The following LMAN1L variants were observed in gnomAD, a reference collection of about 807,000 sequenced individuals.
LMAN1L encodes the protein protein ERGIC-53-like.
A neutral mutation model predicts 58.3 loss-of-function variants in LMAN1L; 60 were observed. The observed-to-expected ratio is 1.03, with a 90% CI of 0.84 to 1.27. The LOEUF (loss-of-function observed/expected upper bound fraction) is 1.27, where lower values mean the gene tolerates loss of function less well. Among genes scored for constraint, LMAN1L ranks in the 50% most tolerant of loss-of-function variants. The pLI is 0.00. For synonymous variants in LMAN1L, 280 were observed against 271.6 expected, an observed-to-expected ratio of 1.03 and a Z score of -0.31; for missense variants, 629 against 674.0, an observed-to-expected ratio of 0.93 and a Z score of 0.74.
At position 74,819,247 on chromosome 15, in the gene LMAN1L, C is replaced by G. The variant is rs766254928; in HGVS notation, c.693C>G (p.Val231=). 1.2e-6 allele frequency: 2 copies of G among 1,614,118 alleles called. No individual in the cohort carries two copies. Among genetic ancestry groups the G allele is most frequent in the South Asian group, 2.2e-5 (2 of 91,076 alleles). ...LLLVPGGFFG[V]SAATGTLADD... The stretch of plus-strand genomic sequence containing the variant: ...TGGTCCCTGGAGGTTTCTTTGGGGT[C>G]TCAGCAGCCACCGGCACCCTGGCAG... Residue 231 remains valine (V), a synonymous_variant, in exon 6 of 14, where the codon GTC becomes GTG. Transcript: ENST00000309664.
Position 74,821,137 on chromosome 15 carries a change from C to T in LMAN1L, c.970C>T (p.Arg324Trp), listed in dbSNP as rs369514887. The change falls in exon 9 of 14, where the codon CGG becomes TGG. Residue 324 changes from arginine to tryptophan, a missense_variant. Arg to Trp is a moderately radical substitution (Grantham distance 101). Around this residue, in one of 3 missense-constraint regions of LMAN1L, gnomAD observed 573 missense variants for 597.3 expected, o/e 0.96. Coordinates refer to ENST00000309664, the MANE Select transcript of LMAN1L (RefSeq NM_021819.3). ...GRHRRILQAL[R>W]GLSKQLAQAE... Reference sequence around the variant, plus strand: ...ACACCGCCGGATCCTGCAGGCTCTGCGGGGTCTCTCCAAGCAGCTGGCCCA... The same window carrying T: ...ACACCGCCGGATCCTGCAGGCTCTGTGGGGTCTCTCCAAGCAGCTGGCCCA... The T allele has an allele frequency of 7.7e-6, 12 of 1,559,966 alleles. No individual in the cohort carries two copies. Among genetic ancestry groups the T allele is most frequent in the East Asian group, 7.1e-5 (3 of 42,408 alleles).
intron 4 of LMAN1L, among the ~76,000 whole-genome samples, chr15:74,817,948 G>T (rs901632136): frequency 1.3e-5 from 2 of 151,638 alleles, no homozygotes; most frequent in African/African-American, 4.9e-5. Flanking sequence ...AGGAGGCAAA[G>T]GTTGCAGTGA....
intron 13 of LMAN1L, chr15:74,824,682 C>T: frequency 1.8e-6 from 1 of 564,032 alleles, no homozygotes; most frequent in South Asian, 2.5e-5. Context: ...CCATCTGGGT[C>T]CTGCTCTCAC....
At chr15:74,819,481 C>A in intron 6 of LMAN1L, 1 of 615,138 alleles carries the variant, frequency 1.6e-6, no homozygotes. Context: ...GTGCTGGCCA[C>A]ATAAGTGCCC....
At position 74,820,777 on chromosome 15, in the gene LMAN1L, G is replaced by C; in HGVS notation, c.907+10G>C. The C allele has an allele frequency of 6.2e-7, 1 of 1,606,708 alleles. No homozygotes were observed. Among genetic ancestry groups the C allele is most frequent in the South Asian group, 1.1e-5 (1 of 90,448 alleles). On this transcript the variant is annotated intron_variant, in intron 8 of 13. Transcript: ENST00000309664. ...GAAGCTCAAGGAGAAGGTAGGGACC[G>C]AGAGAGCGGGCAGGTGGCGCCCATC...
At chr15:74,823,968 G>C in intron 12 of LMAN1L, 1 of 515,756 alleles carries the variant, frequency 1.9e-6, no homozygotes, top group East Asian at 3.3e-5. Context: ...GACCAGAGGG[G>C]AAACAGGGTG....
chr15:74,819,917 G>A (rs1490601379), intron 6 of LMAN1L, 127 bp from the exon 7 acceptor site: 2 of 837,774 alleles, frequency 2.4e-6, no homozygotes, highest in East Asian at 2.4e-5. Flanking sequence ...AGCAAGACAA[G>A]CATCAGACGG....
At chr15:74,821,805 A>G in intron 9 of LMAN1L, 24 bp from the exon 10 acceptor site, 2 of 1,577,526 alleles carry the variant, frequency 1.3e-6, no homozygotes, top group South Asian at 2.2e-5. Context: ...CTCCAGGGCC[A>G]AGCCTCTCTG....
rs1185135016 is a variant in LMAN1L at position 74,812,861 on chromosome 15, G to C, written c.7G>C (p.Ala3Pro). ...GACTTCAGGCGCCTTCACGATGCCGGCGGTCAGTGGTCCAGGTCCCTTATT... is the reference window on the plus strand; with the variant it reads ...GACTTCAGGCGCCTTCACGATGCCGCCGGTCAGTGGTCCAGGTCCCTTATT... MP[A>P]VSGPGPLFCL... The change falls in exon 1 of 14, where the codon GCG (alanine) becomes CCG (proline). Residue 3 changes from alanine (A) to proline (P), a missense_variant. Coordinates refer to ENST00000309664, the MANE Select transcript of LMAN1L (RefSeq NM_021819.3). The C allele has an allele frequency of 6.3e-7, 1 of 1,596,036 alleles. No homozygotes were observed. Among genetic ancestry groups the C allele is most frequent in the Non-Finnish European group, 8.5e-7 (1 of 1,169,918 alleles).
chr15:74,825,718 G>A lies in LMAN1L; in HGVS notation c.*113G>A, dbSNP rs141196233. 3.0e-3 allele frequency: 3,105 copies of A among 1,045,598 alleles called. 62 individuals are homozygous for A. In the African/African-American group the frequency reaches 0.045, roughly 15 times the overall value. The allele number at this position is 1,045,598 out of a possible 1,614,324, so 64.8% of individuals were successfully genotyped here. On this transcript the variant is annotated 3_prime_UTR_variant, in exon 14 of 14. Transcript: ENST00000309664. ...AGCTCCCACGCACACCTGAGCTTTC[G>A]GCATGCTCCCACCTCGTTAAAGGTG... is the stretch of plus-strand genomic sequence containing the variant.
chr15:74,813,112 G>T, intron 1 of LMAN1L, 83 bp downstream of exon 1: 1 of 1,436,156 alleles, frequency 7.0e-7, no homozygotes, highest in Non-Finnish European at 9.6e-7. Flanking sequence ...GAGTGGGTCT[G>T]TCACAGCCAT....
At chr15:74,815,340 C>G (rs2141113275) in intron 1 of LMAN1L, among the ~76,000 whole-genome samples, 1 of 152,346 alleles carries the variant, frequency 6.6e-6, no homozygotes, top group South Asian at 2.1e-4. Context: ...GGCCCTGGGC[C>G]AGGTTCCAGG....
intron 4 of LMAN1L, among the ~76,000 whole-genome samples, chr15:74,817,893 A>G (rs1274695857): frequency 6.6e-6 from 1 of 151,850 alleles, no homozygotes. Flanking sequence ...AGCACCTGTA[A>G]TCCCAGCTAC....
intron 4 of LMAN1L, among the ~76,000 whole-genome samples, chr15:74,818,008 G>A (rs138110652): frequency 0.07 from 8,084 of 115,336 alleles, 577 homozygotes; most frequent in South Asian, 0.4. Context: ...GCAAGACTCC[G>A]TCTCAGAAAA....
At chr15:74,823,329 G>A (rs2063925550) in intron 11 of LMAN1L, among the ~76,000 whole-genome samples, 1 of 152,180 alleles carries the variant, frequency 6.6e-6, no homozygotes. Flanking sequence ...CAGAGCCGGG[G>A]AGCCTGGGGT....
chr15:74,820,834 CA>C (rs879915117), intron 8 of LMAN1L, 67 bp downstream of exon 8: 112 of 1,551,044 alleles, frequency 7.2e-5, no homozygotes, highest in Non-Finnish European at 9.7e-5. Flanking sequence ...CCCTTATGAC[CA>C]GGGGTCCTTT....
intron 10 of LMAN1L, 72 bp from the exon 11 acceptor site, chr15:74,822,570 C>T (rs765216018): frequency 1.1e-5 from 14 of 1,258,540 alleles, no homozygotes; most frequent in South Asian, 2.4e-5. Flanking sequence ...GCTGCAGTGC[C>T]GCTGGGAAGG....
chr15:74,816,428 C>G lies in LMAN1L; in HGVS notation c.332C>G (p.Ala111Gly), dbSNP rs1054149963. The G allele has an allele frequency of 6.4e-6, 10 of 1,560,446 alleles. No individual in the cohort carries two copies. The highest frequency in any genetic ancestry group is 2.3e-5 in the East Asian group (1 of 44,290). The part of the protein sequence containing the change: ...GLGRRGAQGM[A>G]VWYTRGRGHV... ...AGCTGAGGGGCTGGGGACCTGCAGG[C>G]CGTGTGGTACACCCGGGGCAGGGGC... The change falls in exon 3 of 14, where the codon GCC becomes GGC. Residue 111 changes from alanine (A) to glycine (G), a missense_variant and splice_region_variant. Physicochemically the swap from Ala to Gly is moderately conservative, Grantham distance 60. Transcript: ENST00000309664.
intron 9 of LMAN1L, 148 bp downstream of exon 9, chr15:74,821,374 A>C (rs2141116602): frequency 9.9e-7 from 1 of 1,005,766 alleles, no homozygotes; most frequent in East Asian, 2.6e-5. Flanking sequence ...GCAGGGCAGC[A>C]TGCAGGATGG....
Sources: gnomAD v4.1 joint callset for allele counts (sites outside exome capture counted in the v4.1 genomes callset) on GRCh38, gnomAD v4.1.1 for gene constraint, gnomAD v4.1.1 regional missense constraint, MANE v1.5 for transcripts, NCBI Gene and HGNC (gene_info 2026-07-23, HGNC 2026-07-21) for gene names.